Variants in PDSS2 observed in about 807,000 individuals in gnomAD.
PDSS2 encodes decaprenyl diphosphate synthase subunit 2, also known as all trans-polyprenyl-diphosphate synthase PDSS2.
PDSS2 carries 31 observed loss-of-function variants against 44.5 expected under a neutral mutation model. The observed-to-expected ratio is 0.70, with a 90% confidence interval of 0.52 to 0.94. The LOEUF (loss-of-function observed/expected upper bound fraction) is 0.94, where lower values mean the gene tolerates loss of function less well. Among genes scored for constraint, PDSS2 ranks in the 40% least tolerant of loss-of-function variants. The pLI is 0.00. For missense variants in PDSS2, 452 were observed against 482.2 expected (o/e 0.94, Z 0.59); for synonymous variants, 157 against 180.3 (o/e 0.87, Z 1.03).
chr6:107,402,935 T>G (rs933409795), intron 1 of PDSS2, among the ~76,000 whole-genome samples: 22 of 152,082 alleles, frequency 1.4e-4, no homozygotes, highest in African/African-American at 5.3e-4. Flanking sequence ...ATTCCACCCC[T>G]GGCTCCTCCC....
chr6:107,242,854 G>T (rs1186465527), intron 4 of PDSS2, among the ~76,000 whole-genome samples: 1 of 152,188 alleles, frequency 6.6e-6, no homozygotes, highest in East Asian at 1.9e-4. Flanking sequence ...AAAAAAGAAT[G>T]GCCCTTTAAA....
chr6:107,361,842 A>G (rs992396203), intron 1 of PDSS2, among the ~76,000 whole-genome samples: 3 of 152,226 alleles, frequency 2.0e-5, no homozygotes, highest in African/African-American at 7.2e-5. Context: ...GAGAAGAACA[A>G]TATGAGTTTA....
At chr6:107,377,159 C>T (rs1227304721) in intron 1 of PDSS2, among the ~76,000 whole-genome samples, 1 of 143,810 alleles carries the variant, frequency 7.0e-6, no homozygotes, top group African/African-American at 2.6e-5. Context: ...GGCTAATACC[C>T]AGAATCTACA....
intron 3 of PDSS2, among the ~76,000 whole-genome samples, chr6:107,267,078 T>G (rs1282609615): frequency 6.6e-6 from 1 of 152,222 alleles, no homozygotes; most frequent in Non-Finnish European, 1.5e-5. Context: ...TTATGTAAGA[T>G]TTCATCAGAA....
Position 107,225,141 on chromosome 6 carries a change from A to ATATATATATATATATT in PDSS2, c.703-12860_703-12859insAATATATATATATATA, listed in dbSNP as rs1407082094. 4.8e-4 allele frequency among the ~76,000 whole-genome samples: 19 copies of ATATATATATATATATT among 39,458 alleles called. 2 individuals carry two copies. Among genetic ancestry groups the ATATATATATATATATT allele is most frequent in the East Asian group, 2.9e-3 (5 of 1,728 alleles). 25.9% of individuals were successfully genotyped at this position (39,458 alleles called of 152,430 possible). A position where few individuals can be genotyped will look rare whatever the true frequency, so the allele number is the denominator to read the frequency against. On this transcript the variant is annotated intron_variant, in intron 4 of 7. Coordinates refer to ENST00000369037, the MANE Select transcript of PDSS2 (RefSeq NM_020381.4). Reference sequence around the variant, plus strand: ...AGCTTCACTATATATATATTTTTATATATATATATATATATATATATTTTT... The same window carrying ATATATATATATATATT: ...AGCTTCACTATATATATATTTTTATATATATATATATATATTTATATATATATATATATATATTTTT...
At chr6:107,267,587 T>C (rs1165776031) in intron 3 of PDSS2, among the ~76,000 whole-genome samples, 2 of 139,402 alleles carry the variant, frequency 1.4e-5, no homozygotes, top group East Asian at 4.1e-4. Context: ...AGATTCTCTT[T>C]CTTTTTTTTT....
chr6:107,347,808 G>C (rs1341814617), intron 1 of PDSS2, among the ~76,000 whole-genome samples: 2 of 152,104 alleles, frequency 1.3e-5, no homozygotes, highest in African/African-American at 2.4e-5. Flanking sequence ...CTGGCTTTTT[G>C]TTCCCATCTT....
intron 7 of PDSS2, among the ~76,000 whole-genome samples, chr6:107,183,896 A>C (rs1436239777): frequency 6.6e-6 from 1 of 150,908 alleles, no homozygotes; most frequent in Non-Finnish European, 1.5e-5. Flanking sequence ...CTCCATCTCA[A>C]AAAAAAAAGA....
chr6:107,304,392 C>T lies in PDSS2; in HGVS notation c.431+29806G>A, dbSNP rs189983104. On this transcript the variant is annotated intron_variant, in intron 2 of 7. Transcript: ENST00000369037. The stretch of plus-strand genomic sequence containing the variant: ...CATATTCCGCATGTACTCTTATATA[C>T]GTAACGCTTTTCTTTAGATTTTACC... 2.4e-4 allele frequency among the ~76,000 whole-genome samples: 36 copies of T among 152,346 alleles called. 1 individual carries two copies. The highest frequency in any genetic ancestry group is 3.9e-4 in the Admixed American group (6 of 15,296).
chr6:107,189,889 C>T (rs181904646), intron 7 of PDSS2, among the ~76,000 whole-genome samples: 6 of 151,890 alleles, frequency 4.0e-5, no homozygotes, highest in Admixed American at 3.3e-4. Context: ...AGACCTCGTT[C>T]CTTAAAATTA....
At chr6:107,300,457 A>C (rs1181053487) in intron 2 of PDSS2, among the ~76,000 whole-genome samples, 1 of 152,136 alleles carries the variant, frequency 6.6e-6, no homozygotes, top group Non-Finnish European at 1.5e-5. Flanking sequence ...GCCAACTAAG[A>C]ATTCCTAAGC....
intron 1 of PDSS2, among the ~76,000 whole-genome samples, chr6:107,353,511 G>A (rs935269407): frequency 1.3e-5 from 2 of 151,960 alleles, no homozygotes; most frequent in African/African-American, 4.8e-5. Flanking sequence ...AACTAAGCAT[G>A]GTAAGCCATT....
At chr6:107,410,547 G>A (rs1253240241) in intron 1 of PDSS2, among the ~76,000 whole-genome samples, 2 of 152,160 alleles carry the variant, frequency 1.3e-5, no homozygotes, top group African/African-American at 2.4e-5. Context: ...GGAGTGCAGT[G>A]GCACAACCTC....
chr6:107,380,479 A>G (rs994467594), intron 1 of PDSS2, among the ~76,000 whole-genome samples: 1 of 152,182 alleles, frequency 6.6e-6, no homozygotes, highest in African/African-American at 2.4e-5. Context: ...AGAGCACTTC[A>G]AAGTGGATCA....
chr6:107,168,766 G>T (rs1429171597), intron 7 of PDSS2, among the ~76,000 whole-genome samples: 1 of 151,846 alleles, frequency 6.6e-6, no homozygotes, highest in Non-Finnish European at 1.5e-5. Context: ...GAAATTCTGG[G>T]TTGAAAATTC....
chr6:107,387,657 G>A (rs1195375644), intron 1 of PDSS2, among the ~76,000 whole-genome samples: 1 of 152,162 alleles, frequency 6.6e-6, no homozygotes, highest in African/African-American at 2.4e-5. Flanking sequence ...AGGTCTGAAG[G>A]ATAACAGATA....
intron 7 of PDSS2, among the ~76,000 whole-genome samples, chr6:107,185,682 A>G (rs1050702369): frequency 2.0e-5 from 3 of 152,196 alleles, no homozygotes; most frequent in Admixed American, 2.0e-4. Flanking sequence ...TTAGATATAT[A>G]TATATTAGTT....
intron 4 of PDSS2, among the ~76,000 whole-genome samples, chr6:107,241,344 CTTTTTTTTTTTT>C (rs58623641): frequency 2.6e-5 from 2 of 78,006 alleles, no homozygotes; most frequent in African/African-American, 1.1e-4. Flanking sequence ...TCTTCTTCTT[CTTTTTTTTTTTT>C]TTTTTTTTTG....
chr6:107,374,715 T>C (rs1432042390), intron 1 of PDSS2, among the ~76,000 whole-genome samples: 1 of 152,218 alleles, frequency 6.6e-6, no homozygotes, highest in African/African-American at 2.4e-5. Context: ...TTTTCTTTAT[T>C]TTTGGTTAAT....
Sources: gnomAD v4.1 joint callset for allele counts (sites outside exome capture counted in the v4.1 genomes callset) on GRCh38, gnomAD v4.1.1 for gene constraint, MANE v1.5 for transcripts, NCBI Gene and HGNC (gene_info 2026-07-23, HGNC 2026-07-21) for gene names.